NCOA3: variants seen among roughly 807,000 people sequenced by gnomAD.
NCOA3 encodes CBP-interacting protein.
Under a neutral mutation model 158.8 loss-of-function variants are expected in NCOA3, and 51 were observed. The ratio of observed to expected loss-of-function variants is 0.32; its 90% confidence interval spans 0.26 to 0.41. The LOEUF (loss-of-function observed/expected upper bound fraction) is 0.41. Among genes scored for constraint, NCOA3 ranks in the 10% least tolerant of loss-of-function variants. The probability of loss-of-function intolerance (pLI) is 1.00; values close to 1 mark genes in which losing one functional copy is unlikely to be tolerated. For synonymous variants in NCOA3, 537 were observed against 592.4 expected, an observed-to-expected ratio of 0.91 and a Z score of 1.36; for missense variants, 1,510 against 1,746.6, an observed-to-expected ratio of 0.86 and a Z score of 2.41.
chr20:47,520,877 C>T (rs1198973775), intron 1 of NCOA3, among the ~76,000 whole-genome samples: 4 of 152,220 alleles, frequency 2.6e-5, no homozygotes, highest in East Asian at 3.8e-4. Flanking sequence ...GCAGGATCTG[C>T]CCTAAGCCAT....
rs71183262 is a variant in NCOA3, at chr20:47,542,009, G to GTTTTTTTGTTTTTTTTT, written c.-99+39997_-99+39998insGTTTTTTTTTTTTTTTT. 1.0e-3 allele frequency among the ~76,000 whole-genome samples: 57 copies of GTTTTTTTGTTTTTTTTT among 56,354 alleles called. 1 individual carries two copies. Among genetic ancestry groups the GTTTTTTTGTTTTTTTTT allele is most frequent in the Middle Eastern group, 0.022 (1 of 46 alleles). 37.0% of individuals were successfully genotyped at this position (56,354 alleles called of 152,430 possible). ...ATCAAATTATTTTTTGCCCTGTAGA[G>GTTTTTTTGTTTTTTTTT]TTTTTTTTTTTTTTTTTTTTTGTTG... On this transcript the variant is annotated intron_variant, in intron 1 of 22. Coordinates refer to ENST00000371998, the MANE Select transcript of NCOA3 (RefSeq NM_181659.3).
intron 18 of NCOA3, among the ~76,000 whole-genome samples, chr20:47,648,072 T>A (rs985098206): frequency 1.3e-5 from 2 of 151,856 alleles, no homozygotes; most frequent in Admixed American, 6.6e-5. Context: ...GCCCGGCTAG[T>A]TTTTGTATTT....
At chr20:47,641,277 T>G (rs1439838815) in intron 16 of NCOA3, among the ~76,000 whole-genome samples, 1 of 151,846 alleles carries the variant, frequency 6.6e-6, no homozygotes, top group Non-Finnish European at 1.5e-5. Flanking sequence ...TGTGACAAAG[T>G]CATTTTGGTA....
At chr20:47,621,376 T>G (rs1277633027) in intron 2 of NCOA3, among the ~76,000 whole-genome samples, 1 of 152,170 alleles carries the variant, frequency 6.6e-6, no homozygotes, top group African/African-American at 2.4e-5. Context: ...TAGTGGAAAT[T>G]TATGTCCTCC....
chr20:47,525,730 A>C (rs1206879), intron 1 of NCOA3, among the ~76,000 whole-genome samples: 177 of 20,836 alleles, frequency 8.5e-3, no homozygotes, highest in Middle Eastern at 0.033. Flanking sequence ...CCCCACCTCC[A>C]TCCCGGAGGG....
Position 47,537,443 on chromosome 20 carries a change from G to T in NCOA3, c.-99+35424G>T, listed in dbSNP as rs1252673627. Among the ~76,000 whole-genome samples the T allele has an allele frequency of 4.6e-5, 7 of 151,410 alleles. No homozygotes were observed. In the East Asian group the frequency reaches 5.8e-4, roughly 13 times the overall value. Reference sequence around the variant, plus strand: ...TTTTTGTGATAATCGGCGGGGGTGGGGGGGGGAAGTGTTGGGAAAACAGGT... The same window carrying T: ...TTTTTGTGATAATCGGCGGGGGTGGTGGGGGGAAGTGTTGGGAAAACAGGT... On this transcript the variant is annotated intron_variant, in intron 1 of 22. Transcript: ENST00000371998.
At position 47,609,346 on chromosome 20, in the gene NCOA3, C is replaced by T. The variant is rs1335024464; in HGVS notation, c.-19-12883C>T. ...TTGGTGAAGTAGGTTTTGGTTTTAA[C>T]CAGTTTAGGTGTATGGATGATTTTA... On this transcript the variant is annotated intron_variant, in intron 2 of 22. Transcript: ENST00000371998. 3.9e-5 allele frequency among the ~76,000 whole-genome samples: 6 copies of T among 152,058 alleles called. No homozygotes were observed. In the East Asian group the frequency reaches 1.2e-3, roughly 29 times the overall value.
Position 47,636,186 on chromosome 20 carries a change from G to A in NCOA3, c.1800G>A (p.Glu600=), listed in dbSNP as rs763783371. 22 of 1,614,190 alleles carry A rather than the reference G, an allele frequency of 1.4e-5. 2 individuals are homozygous for A. The African/African-American group carries it at 1.7e-4, about 13-fold the overall frequency. ...RDHLSDKESK[E]SSVEGAENQR... ...ACCTCAGTGACAAAGAAAGTAAGGA[G>A]AGCAGTGTTGAGGGGGCAGAGAATC... The change falls in exon 12 of 23, where the codon GAG becomes GAA. Residue 600 remains glutamate, a synonymous_variant. Transcript: ENST00000371998.
At chr20:47,530,890 A>G (rs2084534102) in intron 1 of NCOA3, among the ~76,000 whole-genome samples, 1 of 152,228 alleles carries the variant, frequency 6.6e-6, no homozygotes, top group African/African-American at 2.4e-5. Context: ...TTATTATCCA[A>G]CTTTTCTAAT....
intron 1 of NCOA3, among the ~76,000 whole-genome samples, chr20:47,569,691 A>G (rs2085260103): frequency 6.7e-6 from 1 of 149,920 alleles, no homozygotes; most frequent in Admixed American, 6.6e-5. Flanking sequence ...AACAACAGCA[A>G]CAACAAAAGT....
intron 2 of NCOA3, among the ~76,000 whole-genome samples, chr20:47,598,276 T>G (rs1422236137): frequency 6.6e-6 from 1 of 150,956 alleles, no homozygotes; most frequent in East Asian, 1.9e-4. Context: ...AGAACCTGGC[T>G]TCTTTACTGT....
chr20:47,617,989 C>A (rs920016110), intron 2 of NCOA3, among the ~76,000 whole-genome samples: 1 of 152,138 alleles, frequency 6.6e-6, no homozygotes, highest in African/African-American at 2.4e-5. Context: ...GTGATTGCAG[C>A]GCTTTGGGAG....
intron 1 of NCOA3, among the ~76,000 whole-genome samples, chr20:47,563,973 A>G (rs1006858926): frequency 2.0e-5 from 3 of 151,870 alleles, no homozygotes; most frequent in African/African-American, 7.3e-5. Context: ...CAGCCTGAGC[A>G]GCATGAGGAA....
chr20:47,618,127 C>T (rs2086169661), intron 2 of NCOA3, among the ~76,000 whole-genome samples: 1 of 152,078 alleles, frequency 6.6e-6, no homozygotes, highest in Non-Finnish European at 1.5e-5. Context: ...ATCTCAGCTA[C>T]TCGGGAGGCT....
chr20:47,547,048 G>A (rs748189075), intron 1 of NCOA3, among the ~76,000 whole-genome samples: 33 of 151,890 alleles, frequency 2.2e-4, no homozygotes, highest in Non-Finnish European at 4.3e-4. Context: ...ATTTAATACC[G>A]GAACCTCTGA....
intron 2 of NCOA3, among the ~76,000 whole-genome samples, chr20:47,598,564 T>G (rs578178692): frequency 1.3e-5 from 2 of 152,268 alleles, no homozygotes; most frequent in African/African-American, 4.8e-5. Context: ...CTCGAACTCC[T>G]GACCTCAAGT....
At chr20:47,647,892 TTTTTG>T (rs1337873975) in intron 18 of NCOA3, among the ~76,000 whole-genome samples, 2 of 137,042 alleles carry the variant, frequency 1.5e-5, no homozygotes, top group Non-Finnish European at 1.6e-5. Flanking sequence ...TGAGGTTTTT[TTTTTG>T]TTTGTTTGTT....
intron 2 of NCOA3, among the ~76,000 whole-genome samples, chr20:47,617,418 T>C (rs2086157226): frequency 6.6e-6 from 1 of 152,248 alleles, no homozygotes; most frequent in Admixed American, 6.5e-5. Flanking sequence ...TCCATGTTTC[T>C]TACCGGTTAA....
intron 3 of NCOA3, 46 bp from the exon 4 acceptor site, chr20:47,623,865 T>C (rs776202501): frequency 2.6e-6 from 4 of 1,544,102 alleles, no homozygotes; most frequent in East Asian, 4.5e-5. Context: ...TTTTGTGATA[T>C]ATATATTATG....
Sources: allele counts gnomAD v4.1 joint callset (sites outside exome capture counted in the v4.1 genomes callset), GRCh38; gene constraint gnomAD v4.1.1; transcripts MANE v1.5; gene names NCBI Gene and HGNC (gene_info 2026-07-23, HGNC 2026-07-21).